COL4A5: variants seen among roughly 807,000 people sequenced by gnomAD.
COL4A5 encodes collagen type IV alpha 5 chain, also known as collagen alpha-5(IV) chain.
In COL4A5, 26 loss-of-function variants were observed where a neutral mutation model predicts 130.2. The observed-to-expected ratio is 0.20, with a 90% CI of 0.15 to 0.28. The LOEUF (loss-of-function observed/expected upper bound fraction) is 0.28. COL4A5 is among the 10% of genes least tolerant of loss of function. The pLI is 1.00. For synonymous variants in COL4A5, 496 were observed against 439.6 expected (o/e 1.13, Z -1.60); for missense variants, 1,131 against 1,344.3 (o/e 0.84, Z 2.48).
intron 52 of COL4A5, chrX:108,696,016 A>C (rs1308709593): frequency 1.3e-5 from 4 of 296,321 alleles, no homozygotes; most frequent in Non-Finnish European, 2.4e-5. Context: ...TGAATATTAG[A>C]AAAATGTATG....
At chrX:108,531,826 G>A (rs1257770960) in intron 1 of COL4A5, among the ~76,000 whole-genome samples, 1 of 111,489 alleles carries the variant, frequency 9.0e-6, no homozygotes, top group African/African-American at 3.3e-5. Context: ...CTGACACACT[G>A]GAAATCCTAG....
chrX:108,544,455 A>T (rs952775263), intron 2 of COL4A5, among the ~76,000 whole-genome samples: 3 of 111,905 alleles, frequency 2.7e-5, no homozygotes, highest in Non-Finnish European at 5.6e-5. Flanking sequence ...CCCAGGGATG[A>T]AGCCCACTTG....
At chrX:108,558,359 C>T (rs1299049226) in intron 2 of COL4A5, among the ~76,000 whole-genome samples, 1 of 110,221 alleles carries the variant, frequency 9.1e-6, no homozygotes, top group Non-Finnish European at 1.9e-5. Context: ...CACATGCTGG[C>T]TCTGCTTCCC....
chrX:108,667,788 A>G (rs762545534), intron 40 of COL4A5, among the ~76,000 whole-genome samples: 5 of 111,018 alleles, frequency 4.5e-5, no homozygotes, highest in Non-Finnish European at 5.7e-5. Context: ...GGAAATTATT[A>G]CTTTAATGTG....
intron 1 of COL4A5, among the ~76,000 whole-genome samples, chrX:108,539,106 G>T (rs1285657452): frequency 1.8e-5 from 2 of 111,824 alleles, no homozygotes; most frequent in Admixed American, 9.5e-5. Flanking sequence ...GACTTGAAGT[G>T]GTAGGCATTG....
At chrX:108,660,180 T>C (rs995545602) in intron 37 of COL4A5, among the ~76,000 whole-genome samples, 27 of 112,344 alleles carry the variant, frequency 2.4e-4, no homozygotes, top group African/African-American at 8.7e-4. Flanking sequence ...TGTTCTTTTG[T>C]GTGATTGTGT....
intron 36 of COL4A5, among the ~76,000 whole-genome samples, chrX:108,650,752 T>C (rs2147927309): frequency 9.1e-6 from 1 of 110,272 alleles, no homozygotes; most frequent in African/African-American, 3.3e-5. Context: ...ATAAGAATGA[T>C]ACAAGGGACT....
intron 44 of COL4A5, among the ~76,000 whole-genome samples, chrX:108,678,629 G>A (rs922211817): frequency 9.0e-6 from 1 of 111,418 alleles, no homozygotes; most frequent in African/African-American, 3.3e-5. Context: ...AACTTGAGAG[G>A]CTGGGGCAGG....
chrX:108,666,047 C>T lies in COL4A5; in HGVS notation c.3455-449C>T, dbSNP rs766252779. 1.9e-3 allele frequency among the ~76,000 whole-genome samples: 183 copies of T among 94,687 alleles called. 1 individual carries two copies. Among genetic ancestry groups the T allele is most frequent in the African/African-American group, 6.2e-3 (121 of 19,448 alleles). 82.2% of individuals were successfully genotyped at this position (94,687 alleles called of 115,157 possible). A position where few individuals can be genotyped will look rare whatever the true frequency, so the allele number is the denominator to read the frequency against. On this transcript the variant is annotated intron_variant, in intron 38 of 52. Transcript: ENST00000328300. ...AGCCTGGGTGACAAAGCAAGACCCT[C>T]GAAAAAAAAAAAAGGACTTAAAATG...
chrX:108,472,133 A>G (rs1375483776), intron 1 of COL4A5, among the ~76,000 whole-genome samples: 1 of 111,352 alleles, frequency 9.0e-6, no homozygotes, highest in Non-Finnish European at 1.9e-5. Context: ...TAATTTGTAC[A>G]TATTTGTGAA....
At chrX:108,473,844 C>G (rs1183074700) in intron 1 of COL4A5, among the ~76,000 whole-genome samples, 2 of 105,899 alleles carry the variant, frequency 1.9e-5, no homozygotes. Context: ...GTTGGCCAGG[C>G]TGGTCTCAAA....
Position 108,639,364 on chromosome X carries a change from A to T in COL4A5, c.3246+13015A>T, listed in dbSNP as rs769796685. On this transcript the variant is annotated intron_variant, in intron 36 of 52. Transcript: ENST00000328300. ...TGGAGTTGAACCATTTTCTTACATCATATATAAAATTAATTCAAAAAAGAA... is the reference window on the plus strand; with the variant it reads ...TGGAGTTGAACCATTTTCTTACATCTTATATAAAATTAATTCAAAAAAGAA... Among the ~76,000 whole-genome samples the T allele has an allele frequency of 2.7e-5, 3 of 111,389 alleles. No homozygotes were observed. In the Admixed American group the frequency reaches 2.9e-4, roughly 11 times the overall value.
At chrX:108,682,560 T>A (rs2068454340) in intron 47 of COL4A5, among the ~76,000 whole-genome samples, 1 of 112,079 alleles carries the variant, frequency 8.9e-6, no homozygotes, top group Admixed American at 9.4e-5. Context: ...ATCTGTTGTT[T>A]CCTGACTTTT....
chrX:108,499,489 G>C (rs947696146), intron 1 of COL4A5, among the ~76,000 whole-genome samples: 9 of 111,076 alleles, frequency 8.1e-5, no homozygotes, highest in African/African-American at 2.9e-4. Flanking sequence ...TCCTAAATGA[G>C]TTTGAATGTG....
At chrX:108,494,371 G>A (rs60805573) in intron 1 of COL4A5, among the ~76,000 whole-genome samples, 2,162 of 111,711 alleles carry the variant, frequency 0.019, 36 homozygotes, top group East Asian at 0.075. Context: ...AAAAATATCC[G>A]TAAGAAAAGA....
At chrX:108,559,013 G>A (rs1424326555) in intron 2 of COL4A5, 51 bp from the exon 3 acceptor site, 6 of 1,000,900 alleles carry the variant, frequency 6.0e-6, no homozygotes, top group Non-Finnish European at 7.1e-6. Flanking sequence ...AACCATGCCT[G>A]TGCTTGAAAA....
At chrX:108,525,237 T>C (rs1279529055) in intron 1 of COL4A5, among the ~76,000 whole-genome samples, 1 of 112,246 alleles carries the variant, frequency 8.9e-6, no homozygotes, top group East Asian at 2.8e-4. Flanking sequence ...TTTATCATTA[T>C]AAAATTCCTC....
intron 1 of COL4A5, among the ~76,000 whole-genome samples, chrX:108,483,416 T>A (rs1256686554): frequency 9.0e-6 from 1 of 111,429 alleles, no homozygotes; most frequent in Non-Finnish European, 1.9e-5. Context: ...AGGTGTAGAC[T>A]GGGAAGCTAG....
rs1049003872 is a variant in COL4A5, at chrX:108,551,691, A to G, written c.142-7373A>G. ...GAACTTAAAACAGAATTCCCATTCAACCCAGCAATCTCAGTACTAGGTGTA... is the reference window on the plus strand; with the variant it reads ...GAACTTAAAACAGAATTCCCATTCAGCCCAGCAATCTCAGTACTAGGTGTA... On this transcript the variant is annotated intron_variant, in intron 2 of 52. Transcript: ENST00000328300. Among the ~76,000 whole-genome samples, 5 of 111,833 alleles carry G rather than the reference A, an allele frequency of 4.5e-5. No individual in the cohort carries two copies. The South Asian group carries it at 1.1e-3, about 25-fold the overall frequency.
Sources: gnomAD v4.1 joint callset for allele counts (sites outside exome capture counted in the v4.1 genomes callset) on GRCh38, gnomAD v4.1.1 for gene constraint, MANE v1.5 for transcripts, NCBI Gene and HGNC (gene_info 2026-07-23, HGNC 2026-07-21) for gene names.